Variants in ARMC7 observed in about 807,000 individuals in gnomAD.
ARMC7 encodes armadillo repeat containing 7.
ARMC7 carries 9 observed loss-of-function variants against 14.8 expected under a neutral mutation model. That is an observed-to-expected ratio of 0.61 (90% CI 0.37 to 1.06). The LOEUF is 1.06. Ranked by LOEUF, ARMC7 falls within the 50% of genes least tolerant of loss-of-function variation. The probability of loss-of-function intolerance (pLI) is 0.01; values close to 1 mark genes in which losing one functional copy is unlikely to be tolerated. For missense variants in ARMC7, 262 were observed against 267.1 expected (o/e 0.98, Z 0.13); for synonymous variants, 125 against 123.4 (o/e 1.01, Z -0.09).
In ARMC7 at chr17:75,128,780, G is replaced by C; in HGVS notation, c.339G>C (p.Glu113Asp). The C allele has an allele frequency of 1.2e-6, 2 of 1,613,516 alleles. No homozygotes were observed. The highest frequency in any genetic ancestry group is 8.5e-7 in the Non-Finnish European group (1 of 1,180,016). ...ACTGCCTATCCAGCCCCAATGAGGA[G>C]ACGGTGCTGTCTGCCATCACCACGC... Reference protein sequence around the residue: ...IINCLSSPNEETVLSAITTLM... With the variant: ...IINCLSSPNEDTVLSAITTLM... The change falls in exon 3 of 3, where the codon GAG becomes GAC. Residue 113 changes from glutamate to aspartate, a missense_variant. Transcript: ENST00000245543.
intron 2 of ARMC7, among the ~76,000 whole-genome samples, chr17:75,125,683 CA>C (rs368556253): frequency 0.058 from 8,700 of 148,994 alleles, 682 homozygotes; most frequent in African/African-American, 0.17. Flanking sequence ...ACTAAAAATA[CA>C]AAAAAAAAAT....
chr17:75,111,763 T>G (rs2073925072), intron 2 of ARMC7, among the ~76,000 whole-genome samples: 1 of 151,152 alleles, frequency 6.6e-6, no homozygotes, highest in Non-Finnish European at 1.5e-5. Context: ...TCATATTTAG[T>G]GTTTTCATAT....
intron 2 of ARMC7, chr17:75,114,201 G>T (rs2073955482): frequency 5.0e-6 from 2 of 401,264 alleles, no homozygotes; most frequent in Non-Finnish European, 4.4e-6. Context: ...GGTGGCCCCT[G>T]CAGAAGCATG....
chr17:75,119,455 T>TTTGC (rs56965773), intron 2 of ARMC7, among the ~76,000 whole-genome samples: 2 of 148,860 alleles, frequency 1.3e-5, no homozygotes, highest in African/African-American at 5.0e-5. Flanking sequence ...AGTTTTTTCT[T>TTTGC]TTTTTTTTTT....
At chr17:75,124,475 C>T (rs568498345) in intron 2 of ARMC7, among the ~76,000 whole-genome samples, 1 of 152,212 alleles carries the variant, frequency 6.6e-6, no homozygotes, top group African/African-American at 2.4e-5. Flanking sequence ...GTGACTCAGG[C>T]TTCATCTTAT....
intron 2 of ARMC7, among the ~76,000 whole-genome samples, chr17:75,125,886 A>G (rs917723232): frequency 6.6e-6 from 1 of 152,190 alleles, no homozygotes; most frequent in Non-Finnish European, 1.5e-5. Context: ...AGCCTGACCC[A>G]GGTGCTGCTT....
At chr17:75,126,886 C>T (rs1442091977) in intron 2 of ARMC7, among the ~76,000 whole-genome samples, 1 of 141,538 alleles carries the variant, frequency 7.1e-6, no homozygotes, top group Non-Finnish European at 1.6e-5. Flanking sequence ...CATGGTGAAA[C>T]CCCGTCTCTA....
intron 2 of ARMC7, among the ~76,000 whole-genome samples, chr17:75,113,963 G>C (rs1456057907): frequency 1.3e-5 from 2 of 152,326 alleles, no homozygotes; most frequent in East Asian, 3.9e-4. Context: ...ACGGCTGTGG[G>C]CTTTGGGTGA....
Position 75,130,086 on chromosome 17 carries a change from G to C in ARMC7, c.*1048G>C, listed in dbSNP as rs2074092776. The C allele has an allele frequency of 5.5e-6, 1 of 180,314 alleles. No individual in the cohort carries two copies. The highest frequency in any genetic ancestry group is 2.4e-5 in the African/African-American group (1 of 42,068). 11.2% of individuals were successfully genotyped at this position (180,314 alleles called of 1,614,324 possible). A position where few individuals can be genotyped will look rare whatever the true frequency, so the allele number is the denominator to read the frequency against. ...CCCTTAGATGGCCCAGGAATGGCAG[G>C]TGCTACAAAAATGGTACCCACGTGG... is the stretch of plus-strand genomic sequence containing the variant. On this transcript the variant is annotated 3_prime_UTR_variant, in exon 3 of 3. Coordinates refer to ENST00000245543, the MANE Select transcript of ARMC7 (RefSeq NM_024585.4).
chr17:75,112,459 T>C lies in ARMC7; in HGVS notation c.235+1853T>C, dbSNP rs555274593. 7.5e-4 allele frequency among the ~76,000 whole-genome samples: 114 copies of C among 152,286 alleles called. 1 individual carries two copies. Among genetic ancestry groups the C allele is most frequent in the African/African-American group, 2.7e-3 (112 of 41,568 alleles). On this transcript the variant is annotated intron_variant, in intron 2 of 2. Coordinates refer to ENST00000245543, the MANE Select transcript of ARMC7 (RefSeq NM_024585.4). ...GCGCGTAGTCACCTGGCTGAAGTCT[T>C]GTCAGGCTTCTCCACTGTAAAATTA...
At chr17:75,119,339 C>G (rs749659867) in intron 2 of ARMC7, among the ~76,000 whole-genome samples, 2 of 152,052 alleles carry the variant, frequency 1.3e-5, no homozygotes, top group Non-Finnish European at 2.9e-5. Context: ...TGCACTCACG[C>G]TGGCAAGACA....
intron 2 of ARMC7, among the ~76,000 whole-genome samples, chr17:75,117,178 G>A (rs1327911740): frequency 6.6e-6 from 1 of 152,154 alleles, no homozygotes; most frequent in African/African-American, 2.4e-5. Flanking sequence ...CCTGGTTCAA[G>A]CAATTCTCCT....
At chr17:75,110,691 G>C in intron 2 of ARMC7, 85 bp downstream of exon 2, 1 of 1,540,614 alleles carries the variant, frequency 6.5e-7, no homozygotes, top group South Asian at 1.2e-5. Flanking sequence ...GGCCGGGCGT[G>C]GTGGCTCACA....
At chr17:75,117,442 A>G (rs1321783683) in intron 2 of ARMC7, among the ~76,000 whole-genome samples, 1 of 152,186 alleles carries the variant, frequency 6.6e-6, no homozygotes, top group Non-Finnish European at 1.5e-5. Flanking sequence ...TTAAGACCCA[A>G]ATTCCCAGAT....
chr17:75,114,653 TA>T, intron 2 of ARMC7: 1 of 398,068 alleles, frequency 2.5e-6, no homozygotes, highest in African/African-American at 2.1e-5. Context: ...TTAGAATTGT[TA>T]GGATCATTAT....
intron 2 of ARMC7, among the ~76,000 whole-genome samples, chr17:75,112,457 C>A (rs1222917992): frequency 6.6e-6 from 1 of 151,924 alleles, no homozygotes; most frequent in Admixed American, 6.6e-5. Flanking sequence ...TGGCTGAAGT[C>A]TTGTCAGGCT....
intron 2 of ARMC7, among the ~76,000 whole-genome samples, chr17:75,116,502 G>A (rs762028135): frequency 7.2e-5 from 11 of 152,232 alleles, no homozygotes; most frequent in Non-Finnish European, 1.5e-4. Context: ...GCACGCGCCT[G>A]TAATCCCAGC....
At chr17:75,120,704 C>T (rs2074007590) in intron 2 of ARMC7, among the ~76,000 whole-genome samples, 1 of 151,254 alleles carries the variant, frequency 6.6e-6, no homozygotes, top group Non-Finnish European at 1.5e-5. Context: ...GTCCCAGCTA[C>T]TCAGGAGGCT....
Position 75,129,102 on chromosome 17 carries a change from A to G in ARMC7, c.*64A>G. On this transcript the variant is annotated 3_prime_UTR_variant, in exon 3 of 3. Coordinates refer to ENST00000245543, the MANE Select transcript of ARMC7 (RefSeq NM_024585.4). ...GAGACCACAGTCCTGATGTGGACGC[A>G]GGGAACGGGGAGCACATACTGCCCC... 3 of 1,525,404 alleles carry G rather than the reference A, an allele frequency of 2.0e-6. No homozygotes were observed. Among genetic ancestry groups the G allele is most frequent in the Non-Finnish European group, 2.6e-6 (3 of 1,142,090 alleles). 94.5% of individuals were successfully genotyped at this position (1,525,404 alleles called of 1,614,324 possible). A position where few individuals can be genotyped will look rare whatever the true frequency, so the allele number is the denominator to read the frequency against.
Sources: gnomAD v4.1 joint callset for allele counts (sites outside exome capture counted in the v4.1 genomes callset) on GRCh38, gnomAD v4.1.1 for gene constraint, MANE v1.5 for transcripts, NCBI Gene and HGNC (gene_info 2026-07-23, HGNC 2026-07-21) for gene names.